The following PCDH15 variants were observed in gnomAD, a reference collection of about 807,000 sequenced individuals.
PCDH15 encodes protocadherin-15.
In PCDH15, 129 loss-of-function variants were observed where a neutral mutation model predicts 178.5. That is an observed-to-expected ratio of 0.72 (90% CI 0.63 to 0.84). The LOEUF (loss-of-function observed/expected upper bound fraction) is 0.84. Among genes scored for constraint, PCDH15 ranks in the 40% least tolerant of loss-of-function variants. The pLI, the probability that PCDH15 is intolerant of heterozygous loss-of-function variation, is 0.00. For missense variants in PCDH15, 2,230 were observed against 2,099.9 expected (o/e 1.06, Z -1.21); for synonymous variants, 800 against 732.0 (o/e 1.09, Z -1.50).
At chr10:54,912,486 T>G (rs1001596174) in intron 2 of PCDH15, among the ~76,000 whole-genome samples, 7 of 152,102 alleles carry the variant, frequency 4.6e-5, no homozygotes, top group African/African-American at 1.7e-4. Flanking sequence ...TGCTTCCACT[T>G]TTGCCTTCCA....
At chr10:54,354,738 T>C (rs1335161825) in intron 5 of PCDH15, among the ~76,000 whole-genome samples, 5 of 151,110 alleles carry the variant, frequency 3.3e-5, no homozygotes, top group Admixed American at 2.6e-4. Flanking sequence ...ACACACAAAA[T>C]ATGTAAAAAA....
intron 3 of PCDH15, among the ~76,000 whole-genome samples, chr10:54,875,003 A>G (rs1162489317): frequency 6.6e-6 from 1 of 152,184 alleles, no homozygotes; most frequent in Non-Finnish European, 1.5e-5. Flanking sequence ...TACAGCCTAT[A>G]TACAAGCACG....
chr10:54,207,398 G>T (rs1305364082), intron 10 of PCDH15, among the ~76,000 whole-genome samples: 1 of 141,610 alleles, frequency 7.1e-6, no homozygotes, highest in Non-Finnish European at 1.5e-5. Flanking sequence ...GTGTGTGTGT[G>T]TGTGTGTGTG....
chr10:55,367,378 T>C (rs936859635), intron 2 of PCDH15, among the ~76,000 whole-genome samples: 5 of 151,986 alleles, frequency 3.3e-5, no homozygotes, highest in African/African-American at 1.2e-4. Context: ...CCCAGGAGTT[T>C]GAGACCAGCC....
At chr10:54,386,265 C>CAA (rs1175695043) in intron 3 of PCDH15, among the ~76,000 whole-genome samples, 2 of 133,236 alleles carry the variant, frequency 1.5e-5, no homozygotes, top group Non-Finnish European at 1.6e-5. Flanking sequence ...TGATGAGTTA[C>CAA]AAAAAAAAAA....
intron 10 of PCDH15, among the ~76,000 whole-genome samples, chr10:54,200,462 C>T (rs1591126952): frequency 6.6e-6 from 1 of 151,680 alleles, no homozygotes; most frequent in African/African-American, 2.4e-5. Flanking sequence ...GTGATGTTCC[C>T]CTCCCTGTGT....
intron 2 of PCDH15, among the ~76,000 whole-genome samples, chr10:54,534,844 A>G (rs2084306945): frequency 6.6e-6 from 1 of 152,212 alleles, no homozygotes; most frequent in African/African-American, 2.4e-5. Context: ...ACAGGAGTGA[A>G]ATCTTAAGAC....
chr10:54,953,692 T>A (rs1206647929), intron 2 of PCDH15, among the ~76,000 whole-genome samples: 2 of 151,304 alleles, frequency 1.3e-5, no homozygotes, highest in African/African-American at 2.4e-5. Flanking sequence ...AAACTTTTAG[T>A]CAGATTATCA....
intron 2 of PCDH15, among the ~76,000 whole-genome samples, chr10:54,981,390 T>A (rs1219521): frequency 6.6e-6 from 1 of 151,934 alleles, no homozygotes; most frequent in Non-Finnish European, 1.5e-5. Context: ...TTCTGATGAA[T>A]ACAATTTTTT....
chr10:54,898,550 A>C (rs1260691772), intron 2 of PCDH15, among the ~76,000 whole-genome samples: 1 of 152,150 alleles, frequency 6.6e-6, no homozygotes, highest in Non-Finnish European at 1.5e-5. Context: ...AATAAGATAA[A>C]GATATAATCC....
intron 3 of PCDH15, among the ~76,000 whole-genome samples, chr10:54,839,618 C>T (rs1475439459): frequency 1.3e-5 from 2 of 151,742 alleles, no homozygotes; most frequent in East Asian, 3.9e-4. Flanking sequence ...TGATAACATC[C>T]CAAATTTTGG....
At chr10:54,717,859 C>G (rs1289038942) in intron 1 of PCDH15, among the ~76,000 whole-genome samples, 2 of 143,510 alleles carry the variant, frequency 1.4e-5, no homozygotes, top group African/African-American at 2.7e-5. Context: ...TTGGAACCAA[C>G]CCAAATGTCC....
intron 2 of PCDH15, among the ~76,000 whole-genome samples, chr10:54,932,482 G>C (rs1380947055): frequency 1.3e-5 from 2 of 152,182 alleles, no homozygotes; most frequent in African/African-American, 4.8e-5. Context: ...AAGTGAAAAA[G>C]TTATAATATG....
intron 2 of PCDH15, among the ~76,000 whole-genome samples, chr10:54,643,492 T>C (rs1481925451): frequency 6.6e-6 from 1 of 152,192 alleles, no homozygotes; most frequent in Admixed American, 6.5e-5. Flanking sequence ...AAAGTTGGTA[T>C]ACATATAGTA....
chr10:54,485,307 A>C lies in PCDH15; in HGVS notation c.157+42505T>G, dbSNP rs1053237754. On this transcript the variant is annotated intron_variant, in intron 3 of 37. Transcript: ENST00000644397. ...CCCCTTTAACTAAAAATGTGTTTCTAGAAAAGTGTTCCAAAATACGTCATA... is the reference window on the plus strand; with the variant it reads ...CCCCTTTAACTAAAAATGTGTTTCTCGAAAAGTGTTCCAAAATACGTCATA... Among the ~76,000 whole-genome samples, 6 of 152,030 alleles carry C rather than the reference A, an allele frequency of 3.9e-5. No homozygotes were observed. The East Asian group carries it at 1.2e-3, about 29-fold the overall frequency.
intron 7 of PCDH15, among the ~76,000 whole-genome samples, chr10:54,319,739 T>C (rs2061480964): frequency 6.6e-6 from 1 of 151,920 alleles, no homozygotes; most frequent in African/African-American, 2.4e-5. Context: ...GTTCATAAAA[T>C]GTCTTCCTTT....
chr10:54,462,680 A>AT (rs767750465), intron 3 of PCDH15, among the ~76,000 whole-genome samples: 6,742 of 56,254 alleles, frequency 0.12, 1,375 homozygotes, highest in East Asian at 0.21. Context: ...CACCTGCTTA[A>AT]TTTTTTTTTT....
At chr10:54,752,506 C>CA (rs1249514541) in intron 1 of PCDH15, among the ~76,000 whole-genome samples, 2 of 53,186 alleles carry the variant, frequency 3.8e-5, no homozygotes, top group Non-Finnish European at 8.7e-5. Context: ...AAACAAAAAA[C>CA]AAAAAACAAA....
At chr10:54,952,282 C>A (rs1838364885) in intron 2 of PCDH15, among the ~76,000 whole-genome samples, 1 of 151,760 alleles carries the variant, frequency 6.6e-6, no homozygotes, top group African/African-American at 2.4e-5. Flanking sequence ...CATCGAATTG[C>A]CTTTTGCTCC....
Sources: gnomAD v4.1 joint callset for allele counts (sites outside exome capture counted in the v4.1 genomes callset) on GRCh38, gnomAD v4.1.1 for gene constraint, MANE v1.5 for transcripts, NCBI Gene and HGNC (gene_info 2026-07-23, HGNC 2026-07-21) for gene names.